Variants in PALS2 observed in about 807,000 individuals in gnomAD.
PALS2 encodes the protein protein associated with LIN7 2, MAGUK p55 family member, also known as protein PALS2.
In PALS2, 27 loss-of-function variants were observed where a neutral mutation model predicts 61.6. That is an observed-to-expected ratio of 0.44 (90% confidence interval 0.32 to 0.60). PALS2 has a LOEUF of 0.60. Ranked by LOEUF, PALS2 falls within the 20% of genes least tolerant of loss-of-function variation. PALS2 has a pLI of 0.05. For missense variants in PALS2, 554 were observed against 639.4 expected (o/e 0.87, Z 1.44); for synonymous variants, 236 against 218.6 (o/e 1.08, Z -0.70).
intron 11 of PALS2, among the ~76,000 whole-genome samples, chr7:24,686,519 AG>A (rs1788213181): frequency 1.3e-5 from 2 of 152,092 alleles, no homozygotes; most frequent in Non-Finnish European, 2.9e-5. Flanking sequence ...TTTAGTTCTC[AG>A]CTTAACTGTA....
rs1335539258 is a variant in PALS2, at chr7:24,692,190, G to A, written c.*4576G>A. ...TTAATATACTAAACAGTGAAAGAAT[G>A]ATGATATCTCATTTCTAAAGTAAGC... On this transcript the variant is annotated 3_prime_UTR_variant, in exon 12 of 12. Coordinates refer to ENST00000222644, the MANE Select transcript of PALS2 (RefSeq NM_001303037.2). The A allele has an allele frequency of 1.3e-5, 2 of 152,232 alleles. No individual in the cohort carries two copies. The highest frequency in any genetic ancestry group is 3.9e-4 in the East Asian group (2 of 5,190). The allele number at this position is 152,232 out of a possible 1,614,324, so 9.4% of individuals were successfully genotyped here. A position where few individuals can be genotyped will look rare whatever the true frequency, so the allele number is the denominator to read the frequency against.
At position 24,687,432 on chromosome 7, in the gene PALS2, C is replaced by T. The variant is rs976847636; in HGVS notation, c.1447-6C>T. 4 of 1,604,800 alleles carry T rather than the reference C, an allele frequency of 2.5e-6. No homozygotes were observed. The East Asian group carries it at 9.0e-5, about 36-fold the overall frequency. ...ACAAACATTTCCTTTTAAAACTCTT[C>T]AACAGGACTCTGACTTGAAGAAAAC... On this transcript the variant is annotated splice_region_variant and splice_polypyrimidine_tract_variant and intron_variant, in intron 11 of 11. Coordinates refer to ENST00000222644, the MANE Select transcript of PALS2 (RefSeq NM_001303037.2). The surrounding 1 kb of genome is among the most constrained non-coding windows in gnomAD (Gnocchi z 4.5).
intron 7 of PALS2, among the ~76,000 whole-genome samples, 161 bp from the exon 8 acceptor site, chr7:24,665,860 T>TA (rs1459227728): frequency 1.3e-5 from 2 of 152,160 alleles, no homozygotes; most frequent in Non-Finnish European, 2.9e-5. Context: ...CACCTGCTGG[T>TA]AGAGTATCAA....
At chr7:24,624,865 C>T (rs1427123651) in intron 2 of PALS2, among the ~76,000 whole-genome samples, 3 of 152,036 alleles carry the variant, frequency 2.0e-5, no homozygotes, top group Non-Finnish European at 2.9e-5. Context: ...ACCTTGGCCT[C>T]CTGGGATTAC....
chr7:24,591,383 G>A (rs1562601851), intron 1 of PALS2, among the ~76,000 whole-genome samples: 1 of 152,116 alleles, frequency 6.6e-6, no homozygotes, highest in African/African-American at 2.4e-5. Flanking sequence ...GCAGTGTGTA[G>A]CTTGACATAC....
At chr7:24,675,391 T>C (rs184680160) in intron 9 of PALS2, among the ~76,000 whole-genome samples, 3,127 of 150,976 alleles carry the variant, frequency 0.021, 31 homozygotes, top group African/African-American at 0.029. Flanking sequence ...TTTTTTTTTT[T>C]CCCCTCTTAT....
intron 1 of PALS2, among the ~76,000 whole-genome samples, chr7:24,586,309 A>G (rs950565850): frequency 6.6e-6 from 1 of 152,190 alleles, no homozygotes; most frequent in Admixed American, 6.5e-5. Flanking sequence ...AGAAGAAGAA[A>G]TGTTCACCTG....
At chr7:24,592,619 C>A (rs78042800) in intron 1 of PALS2, among the ~76,000 whole-genome samples, 2 of 152,096 alleles carry the variant, frequency 1.3e-5, no homozygotes, top group African/African-American at 4.8e-5. Context: ...AGAGATATCA[C>A]GGGTTCAGTT....
rs1044980886 is a variant in PALS2 at position 24,665,784 on chromosome 7, G to T, written c.883+97G>T. 4.3e-6 allele frequency: 5 copies of T among 1,150,298 alleles called. No individual in the cohort carries two copies. In the African/African-American group the frequency reaches 7.8e-5, roughly 18 times the overall value. 71.3% of individuals were successfully genotyped at this position (1,150,298 alleles called of 1,614,324 possible). ...AAGCAAATGCATTTATTTAAAATATGTCTAGAATGAATCCCTCCCTCTGCT... is the reference window on the plus strand; with the variant it reads ...AAGCAAATGCATTTATTTAAAATATTTCTAGAATGAATCCCTCCCTCTGCT... On this transcript the variant is annotated intron_variant, in intron 7 of 11. Coordinates refer to ENST00000222644, the MANE Select transcript of PALS2 (RefSeq NM_001303037.2).
chr7:24,596,640 C>T lies in PALS2; in HGVS notation c.-3+23047C>T, dbSNP rs1457578177. 6.6e-6 allele frequency among the ~76,000 whole-genome samples: 1 copy of T among 152,108 alleles called. No homozygotes were observed. The highest frequency in any genetic ancestry group is 1.5e-5 in the Non-Finnish European group (1 of 68,010). On this transcript the variant is annotated intron_variant, in intron 1 of 11. Transcript: ENST00000222644. The surrounding 1 kb of genome is among the most constrained non-coding windows in gnomAD (Gnocchi z 4.5). ...GTGGTTGGGTGAATAAAAATTTACTCAAAGCAGGACTACTACATTGTGAGA... is the reference window on the plus strand; with the variant it reads ...GTGGTTGGGTGAATAAAAATTTACTTAAAGCAGGACTACTACATTGTGAGA...
intron 1 of PALS2, among the ~76,000 whole-genome samples, chr7:24,593,617 T>C (rs1252346811): frequency 6.6e-6 from 1 of 152,144 alleles, no homozygotes; most frequent in African/African-American, 2.4e-5. Context: ...GAAAATAACA[T>C]TCATCTGCTG....
chr7:24,681,415 A>T (rs1164949038), intron 11 of PALS2, among the ~76,000 whole-genome samples: 1 of 152,118 alleles, frequency 6.6e-6, no homozygotes, highest in Non-Finnish European at 1.5e-5. Flanking sequence ...ATACTTCAGT[A>T]TTTATATCTA....
intron 9 of PALS2, among the ~76,000 whole-genome samples, chr7:24,675,999 G>C (rs1390834075): frequency 6.7e-6 from 1 of 149,770 alleles, no homozygotes; most frequent in African/African-American, 2.5e-5. Context: ...CTAGTTTACA[G>C]TCCCACCAAC....
At chr7:24,584,214 C>T (rs1428583429) in intron 1 of PALS2, among the ~76,000 whole-genome samples, 1 of 135,000 alleles carries the variant, frequency 7.4e-6, no homozygotes, top group Non-Finnish European at 1.6e-5. Context: ...ATTTCTAGTT[C>T]TAGATCCCTG....
chr7:24,677,095 C>T (rs1054180336), intron 9 of PALS2, among the ~76,000 whole-genome samples: 6 of 151,522 alleles, frequency 4.0e-5, no homozygotes, highest in Non-Finnish European at 8.8e-5. Flanking sequence ...CCTTCACATC[C>T]CTTGTAAGTT....
chr7:24,685,618 G>A (rs1788156284), intron 11 of PALS2, among the ~76,000 whole-genome samples: 1 of 142,312 alleles, frequency 7.0e-6, no homozygotes, highest in African/African-American at 2.6e-5. Context: ...TGTTCCATCT[G>A]TATGGCATAC....
chr7:24,629,092 A>G (rs777541220), intron 2 of PALS2, among the ~76,000 whole-genome samples: 1 of 152,146 alleles, frequency 6.6e-6, no homozygotes, highest in Non-Finnish European at 1.5e-5. Context: ...TTCAAACTAT[A>G]CTACAAGGCT....
At chr7:24,646,825 C>T (rs539142051) in intron 3 of PALS2, among the ~76,000 whole-genome samples, 5 of 152,058 alleles carry the variant, frequency 3.3e-5, no homozygotes, top group African/African-American at 4.8e-5. Flanking sequence ...GATTCAATTT[C>T]GGAGGTTGTT....
At chr7:24,600,328 AAAT>A (rs1342729045) in intron 1 of PALS2, among the ~76,000 whole-genome samples, 1 of 152,192 alleles carries the variant, frequency 6.6e-6, no homozygotes, top group Non-Finnish European at 1.5e-5. Flanking sequence ...TGGTCGACTG[AAAT>A]AATGTTATGT....
Sources: gnomAD v4.1 joint callset for allele counts (sites outside exome capture counted in the v4.1 genomes callset) on GRCh38, gnomAD v4.1.1 for gene constraint, Gnocchi (gnomAD v3.1) non-coding constraint, MANE v1.5 for transcripts, NCBI Gene and HGNC (gene_info 2026-07-23, HGNC 2026-07-21) for gene names.